The following LARGE1 variants were observed in gnomAD, a reference collection of about 807,000 sequenced individuals.
LARGE1 encodes xylosyl- and glucuronyltransferase LARGE1.
LARGE1 carries 43 observed loss-of-function variants against 87.6 expected under a neutral mutation model. That is an observed-to-expected ratio of 0.49 (90% confidence interval 0.38 to 0.63). The LOEUF is 0.63. Ranked by LOEUF, LARGE1 falls within the 30% of genes least tolerant of loss-of-function variation. The pLI, the probability that LARGE1 is intolerant of heterozygous loss-of-function variation, is 0.00. For missense variants in LARGE1, 802 were observed against 1,000.2 expected (o/e 0.80, Z 2.67); for synonymous variants, 434 against 394.6 (o/e 1.10, Z -1.18).
chr22:33,840,260 A>G (rs531733191), intron 1 of LARGE1, among the ~76,000 whole-genome samples: 1 of 152,368 alleles, frequency 6.6e-6, no homozygotes, highest in Admixed American at 6.5e-5. Context: ...TGTAAAATCT[A>G]GGAAAAATAA....
At chr22:33,487,965 C>T (rs1366716173) in intron 6 of LARGE1, among the ~76,000 whole-genome samples, 2 of 152,174 alleles carry the variant, frequency 1.3e-5, no homozygotes, top group East Asian at 3.8e-4. Flanking sequence ...CAACCACAAT[C>T]TTATTTAATT....
intron 9 of LARGE1, among the ~76,000 whole-genome samples, chr22:33,346,908 C>T (rs1261933705): frequency 2.0e-5 from 3 of 152,270 alleles, no homozygotes; most frequent in South Asian, 2.1e-4. Context: ...GGGAAGCATT[C>T]GATTTCCTAA....
chr22:33,265,517 C>T (rs540673642), intron 11 of LARGE1, among the ~76,000 whole-genome samples: 1 of 152,184 alleles, frequency 6.6e-6, no homozygotes, highest in African/African-American at 2.4e-5. Context: ...GTCTTAGAAG[C>T]CTTCCATGAT....
At chr22:33,832,693 C>T (rs992000164) in intron 1 of LARGE1, among the ~76,000 whole-genome samples, 1 of 152,192 alleles carries the variant, frequency 6.6e-6, no homozygotes, top group East Asian at 1.9e-4. Context: ...CTGGGGCTCC[C>T]AGCTGCCAGC....
At chr22:33,700,682 G>A (rs76965998) in intron 2 of LARGE1, among the ~76,000 whole-genome samples, 2,521 of 152,262 alleles carry the variant, frequency 0.017, 76 homozygotes, top group African/African-American at 0.056. Flanking sequence ...GCCTGGAGGC[G>A]GTGTCTGAGC....
chr22:33,457,514 T>C (rs142527886), intron 6 of LARGE1, among the ~76,000 whole-genome samples: 2 of 151,840 alleles, frequency 1.3e-5, no homozygotes, highest in Admixed American at 6.6e-5. Context: ...GTATAAAGGA[T>C]AGTCCTTATT....
intron 5 of LARGE1, among the ~76,000 whole-genome samples, chr22:33,598,968 G>A (rs2079047537): frequency 4.6e-5 from 7 of 152,326 alleles, no homozygotes; most frequent in Middle Eastern, 3.4e-3. Context: ...CACAATGGTT[G>A]AGTAAGTGAT....
intron 1 of LARGE1, among the ~76,000 whole-genome samples, chr22:33,909,034 T>A (rs2065542977): frequency 6.6e-6 from 1 of 152,174 alleles, no homozygotes; most frequent in Admixed American, 6.5e-5. Flanking sequence ...AAGGTTGTTC[T>A]ATAACCCTGA....
Position 33,710,347 on chromosome 22 carries a change from A to C in LARGE1, c.106+51024T>G, listed in dbSNP as rs541515795. Among the ~76,000 whole-genome samples the C allele has an allele frequency of 3.9e-5, 6 of 152,384 alleles. No individual in the cohort carries two copies. The East Asian group carries it at 9.6e-4, about 24-fold the overall frequency. On this transcript the variant is annotated intron_variant, in intron 2 of 14. Coordinates refer to ENST00000397394, the MANE Select transcript of LARGE1 (RefSeq NM_133642.5). ...CAGTGAATCAAAGAATCAAATTAAA[A>C]ATGAAAACTGGAAGAATTGGCCCCA...
chr22:33,696,626 A>G (rs1277929019), intron 2 of LARGE1, among the ~76,000 whole-genome samples: 1 of 152,166 alleles, frequency 6.6e-6, no homozygotes, highest in African/African-American at 2.4e-5. Context: ...AATGTGTGAG[A>G]GATACAGCTG....
intron 1 of LARGE1, among the ~76,000 whole-genome samples, chr22:33,829,790 A>G (rs982920547): frequency 3.9e-5 from 6 of 152,196 alleles, no homozygotes; most frequent in Non-Finnish European, 7.3e-5. Flanking sequence ...GCCATTCAAG[A>G]TAATGAAGAT....
chr22:33,402,587 T>G (rs2065960730), intron 7 of LARGE1, among the ~76,000 whole-genome samples: 1 of 152,182 alleles, frequency 6.6e-6, no homozygotes, highest in African/African-American at 2.4e-5. Context: ...CTCTGTGCTT[T>G]ATGGTACTCT....
intron 4 of LARGE1, among the ~76,000 whole-genome samples, chr22:33,620,143 C>T (rs537281650): frequency 1.6e-4 from 24 of 152,326 alleles, no homozygotes; most frequent in Admixed American, 1.2e-3. Context: ...TTATTCACCA[C>T]GTCCTTCAGG....
intron 4 of LARGE1, among the ~76,000 whole-genome samples, chr22:33,619,206 T>C (rs1487821954): frequency 5.3e-5 from 8 of 152,080 alleles, no homozygotes; most frequent in Non-Finnish European, 1.0e-4. Context: ...ATCAAAATGA[T>C]TATGGAGATC....
chr22:33,537,804 C>T (rs2148617523), intron 6 of LARGE1, among the ~76,000 whole-genome samples: 1 of 152,264 alleles, frequency 6.6e-6, no homozygotes, highest in East Asian at 1.9e-4. Context: ...AACTCCTGAC[C>T]TCGTGATCCA....
intron 6 of LARGE1, among the ~76,000 whole-genome samples, chr22:33,519,998 C>CTTTTTTTTTTTTTTTTTTTTTT (rs397868082): frequency 2.1e-5 from 2 of 97,254 alleles, no homozygotes; most frequent in African/African-American, 4.3e-5. Flanking sequence ...TGGTTTTTCT[C>CTTTTTTTTTTTTTTTTTTTTTT]TTTTTTTTTT....
chr22:33,245,832 C>T (rs968787774), intron 11 of LARGE1, among the ~76,000 whole-genome samples: 36 of 152,152 alleles, frequency 2.4e-4, no homozygotes, highest in African/African-American at 8.4e-4. Flanking sequence ...TCACTTGAAC[C>T]TGGGAGGCGG....
At chr22:33,071,622 C>G in the LARGE1 span, among the ~76,000 whole-genome samples, 1 of 152,306 alleles carries the variant, frequency 6.6e-6, no homozygotes, top group African/African-American at 2.4e-5. Flanking sequence ...AGCCCCTGTT[C>G]TCACACAGTT....
chr22:33,406,410 T>A (rs921710610), intron 7 of LARGE1, among the ~76,000 whole-genome samples: 3 of 152,162 alleles, frequency 2.0e-5, no homozygotes, highest in African/African-American at 7.2e-5. Context: ...TTTTCTCCTA[T>A]CCTCTCCGTC....
Sources: gnomAD v4.1 joint callset for allele counts (sites outside exome capture counted in the v4.1 genomes callset) on GRCh38, gnomAD v4.1.1 for gene constraint, MANE v1.5 for transcripts, NCBI Gene and HGNC (gene_info 2026-07-23, HGNC 2026-07-21) for gene names.